CHRM3: variants seen among roughly 807,000 people sequenced by gnomAD.
CHRM3 encodes muscarinic acetylcholine receptor M3.
In CHRM3, 11 loss-of-function variants were observed where a neutral mutation model predicts 41.8. The observed-to-expected ratio is 0.26, with a 90% CI of 0.17 to 0.44. The LOEUF (loss-of-function observed/expected upper bound fraction) is 0.44. Among genes scored for constraint, CHRM3 ranks in the 20% least tolerant of loss-of-function variants. The pLI, the probability that CHRM3 is intolerant of heterozygous loss-of-function variation, is 1.00. For missense variants in CHRM3, 571 were observed against 745.4 expected, an observed-to-expected ratio of 0.77 and a Z score of 2.72; for synonymous variants, 297 against 301.4, an observed-to-expected ratio of 0.99 and a Z score of 0.15.
chr1:239,611,988 C>G (rs557032983), intron 3 of CHRM3, among the ~76,000 whole-genome samples: 1 of 152,280 alleles, frequency 6.6e-6, no homozygotes, highest in East Asian at 1.9e-4. Context: ...TAGACTCATT[C>G]ATAAAATAAC....
intron 1 of CHRM3, among the ~76,000 whole-genome samples, chr1:239,476,726 G>A (rs1384308518): frequency 1.3e-5 from 2 of 152,046 alleles, no homozygotes; most frequent in Non-Finnish European, 2.9e-5. Flanking sequence ...AATTAAAATA[G>A]CCTCTATCTA....
intron 3 of CHRM3, among the ~76,000 whole-genome samples, chr1:239,631,745 G>A (rs1020136543): frequency 6.6e-6 from 1 of 152,132 alleles, no homozygotes; most frequent in Non-Finnish European, 1.5e-5. Context: ...TATGAGAATG[G>A]GCTAATTGTA....
At chr1:239,604,292 G>GTTT (rs539867320) in intron 3 of CHRM3, among the ~76,000 whole-genome samples, 24 of 119,572 alleles carry the variant, frequency 2.0e-4, no homozygotes, top group Non-Finnish European at 3.3e-4. Flanking sequence ...GGGAAACTAG[G>GTTT]TTTTTTTTTT....
At chr1:239,718,132 G>A (rs1662578580) in intron 5 of CHRM3, among the ~76,000 whole-genome samples, 2 of 151,998 alleles carry the variant, frequency 1.3e-5, no homozygotes, top group Admixed American at 1.3e-4. Context: ...GCTTTAATCA[G>A]CTGCTACACA....
At chr1:239,448,207 A>G (rs12141123) in intron 1 of CHRM3, among the ~76,000 whole-genome samples, 26,123 of 152,214 alleles carry the variant, frequency 0.17, 2,557 homozygotes, top group Non-Finnish European at 0.2. Context: ...AACAATGGCA[A>G]CATTAATAGT....
intron 1 of CHRM3, among the ~76,000 whole-genome samples, chr1:239,468,499 G>A (rs1665890612): frequency 6.6e-6 from 1 of 152,070 alleles, no homozygotes; most frequent in African/African-American, 2.4e-5. Context: ...TGAAGGTGAT[G>A]GTTGCCAATC....
At chr1:239,834,743 C>A (rs773529892) in intron 6 of CHRM3, among the ~76,000 whole-genome samples, 1 of 152,274 alleles carries the variant, frequency 6.6e-6, no homozygotes, top group Admixed American at 6.5e-5. Context: ...GCATGGCTTA[C>A]TGTGTATACG....
intron 5 of CHRM3, among the ~76,000 whole-genome samples, chr1:239,739,570 T>C (rs935975889): frequency 6.6e-6 from 1 of 152,176 alleles, no homozygotes; most frequent in Non-Finnish European, 1.5e-5. Flanking sequence ...TGGAACTGGC[T>C]AACTCAGCTA....
intron 5 of CHRM3, among the ~76,000 whole-genome samples, chr1:239,679,972 C>CAA (rs1658403690): frequency 6.6e-6 from 1 of 152,082 alleles, no homozygotes; most frequent in Admixed American, 6.6e-5. Context: ...AAGATTAAAT[C>CAA]AACACCTCTC....
Position 239,551,782 on chromosome 1 carries a change from G to A in CHRM3, c.-313+6033G>A, listed in dbSNP as rs570086139. 7.9e-4 allele frequency among the ~76,000 whole-genome samples: 120 copies of A among 152,210 alleles called. 1 individual carries two copies. The highest frequency in any genetic ancestry group is 3.4e-3 in the Middle Eastern group (1 of 294). On this transcript the variant is annotated intron_variant, in intron 3 of 6. Transcript: ENST00000676153. ...GGCTAATGAGATAGAGTTATAAGTA[G>A]CACAAATTATGTCAAGCCACTCAGA...
intron 3 of CHRM3, among the ~76,000 whole-genome samples, chr1:239,561,583 A>G (rs1660863016): frequency 6.6e-6 from 1 of 151,910 alleles, no homozygotes. Flanking sequence ...CATAAAGAAT[A>G]TTATATATTA....
chr1:239,807,319 A>ATG (rs1430884385), intron 5 of CHRM3, among the ~76,000 whole-genome samples: 1 of 152,190 alleles, frequency 6.6e-6, no homozygotes, highest in Non-Finnish European at 1.5e-5. Context: ...TTATAGTACT[A>ATG]TGGCAAGAAT....
At chr1:239,861,392 A>C (rs1333923794) in intron 6 of CHRM3, among the ~76,000 whole-genome samples, 1 of 152,128 alleles carries the variant, frequency 6.6e-6, no homozygotes, top group Non-Finnish European at 1.5e-5. Flanking sequence ...TTAACTAGCA[A>C]AAATGGACAA....
intron 1 of CHRM3, among the ~76,000 whole-genome samples, chr1:239,456,400 A>G (rs1304642455): frequency 3.9e-5 from 6 of 152,192 alleles, no homozygotes; most frequent in Admixed American, 3.9e-4. Flanking sequence ...ATTGTGTTAC[A>G]GTTACCTACA....
At chr1:239,578,543 T>A (rs115168364) in intron 3 of CHRM3, among the ~76,000 whole-genome samples, 1,883 of 152,282 alleles carry the variant, frequency 0.012, 46 homozygotes, top group African/African-American at 0.043. Context: ...CTTTATCATG[T>A]TTTAATCAAA....
chr1:239,762,182 C>G (rs1175829686), intron 5 of CHRM3, among the ~76,000 whole-genome samples: 1 of 152,116 alleles, frequency 6.6e-6, no homozygotes, highest in African/African-American at 2.4e-5. Context: ...TCTAGCTTAC[C>G]CTTTTCATCT....
intron 5 of CHRM3, among the ~76,000 whole-genome samples, chr1:239,689,221 A>T (rs1395452896): frequency 6.6e-6 from 1 of 152,026 alleles, no homozygotes; most frequent in Non-Finnish European, 1.5e-5. Context: ...AATAATCACT[A>T]ATCTTTTTTG....
chr1:239,866,278 G>C (rs970434623), intron 6 of CHRM3, among the ~76,000 whole-genome samples: 1 of 152,138 alleles, frequency 6.6e-6, no homozygotes, highest in Non-Finnish European at 1.5e-5. Context: ...TCGGGAGGCT[G>C]AGGCAGGAGA....
chr1:239,747,545 A>G (rs535358816), intron 5 of CHRM3, among the ~76,000 whole-genome samples: 18 of 152,270 alleles, frequency 1.2e-4, no homozygotes, highest in Admixed American at 3.9e-4. Context: ...TTATTTCCCC[A>G]TTAAGCCTGT....
Sources: gnomAD v4.1 joint callset for allele counts (sites outside exome capture counted in the v4.1 genomes callset) on GRCh38, gnomAD v4.1.1 for gene constraint, MANE v1.5 for transcripts, NCBI Gene and HGNC (gene_info 2026-07-23, HGNC 2026-07-21) for gene names.